Variants in ITK observed in about 807,000 individuals in gnomAD.
ITK encodes IL2 inducible T cell kinase.
Under a neutral mutation model 87.6 loss-of-function variants are expected in ITK, and 45 were observed. The observed-to-expected ratio is 0.51, with a 90% CI of 0.40 to 0.66. The LOEUF (loss-of-function observed/expected upper bound fraction) is 0.66, where lower values mean the gene tolerates loss of function less well. Ranked by LOEUF, ITK falls within the 30% of genes least tolerant of loss-of-function variation. The pLI is 0.00. For synonymous variants in ITK, 303 were observed against 273.6 expected, an observed-to-expected ratio of 1.11 and a Z score of -1.06; for missense variants, 605 against 766.3, an observed-to-expected ratio of 0.79 and a Z score of 2.48.
chr5:157,244,571 C>T lies in ITK; in HGVS notation c.1449+93C>T, dbSNP rs1265960356. The T allele has an allele frequency of 1.1e-5, 9 of 784,430 alleles. No homozygotes were observed. The African/African-American group carries it at 1.2e-4, about 10-fold the overall frequency. The allele number at this position is 784,430 out of a possible 1,614,324, so 48.6% of individuals were successfully genotyped here. On this transcript the variant is annotated intron_variant, in intron 13 of 16. Transcript: ENST00000422843. ...GAACGCATTAATAAATAATACATTA[C>T]AGATAATCTCCTTTCCTTTCTCAAC...
chr5:157,191,523 A>T (rs1478507143), intron 1 of ITK, among the ~76,000 whole-genome samples: 1 of 152,226 alleles, frequency 6.6e-6, no homozygotes, highest in African/African-American at 2.4e-5. Context: ...TGAAGACATC[A>T]ATTTACTATC....
intron 1 of ITK, among the ~76,000 whole-genome samples, chr5:157,184,963 G>T (rs116287333): frequency 6.6e-6 from 1 of 152,142 alleles, no homozygotes; most frequent in African/African-American, 2.4e-5. Context: ...ATTCCAGTAA[G>T]CATCTGGGTG....
At chr5:157,184,829 G>A (rs563530974) in intron 1 of ITK, among the ~76,000 whole-genome samples, 24 of 152,218 alleles carry the variant, frequency 1.6e-4, no homozygotes, top group African/African-American at 5.8e-4. Context: ...AGCCCCTCTG[G>A]AGAACTGGAA....
intron 16 of ITK, among the ~76,000 whole-genome samples, chr5:157,250,156 T>A (rs1243983208): frequency 6.6e-6 from 1 of 152,240 alleles, no homozygotes; most frequent in African/African-American, 2.4e-5. Flanking sequence ...CATGTATCCA[T>A]CATTATAGTA....
chr5:157,211,865 G>A (rs1356048205), intron 3 of ITK, among the ~76,000 whole-genome samples: 1 of 152,226 alleles, frequency 6.6e-6, no homozygotes, highest in African/African-American at 2.4e-5. Flanking sequence ...AGGAAGAAAA[G>A]GAAGGGATAA....
chr5:157,219,073 G>A (rs1413712838), intron 5 of ITK, among the ~76,000 whole-genome samples: 1 of 149,718 alleles, frequency 6.7e-6, no homozygotes, highest in Non-Finnish European at 1.5e-5. Context: ...ATATGACCCT[G>A]ACCTTATGAT....
intron 15 of ITK, among the ~76,000 whole-genome samples, chr5:157,246,962 T>G (rs1159228858): frequency 1.3e-5 from 2 of 152,248 alleles, no homozygotes; most frequent in African/African-American, 4.8e-5. Context: ...GGATTTGCCA[T>G]GTCACCTGAA....
chr5:157,241,707 A>C lies in ITK; in HGVS notation c.1047A>C (p.Ala349=). The change falls in exon 11 of 17, where the codon GCA becomes GCC. Residue 349 remains alanine, a synonymous_variant. Coordinates refer to ENST00000422843, the MANE Select transcript of ITK (RefSeq NM_005546.4). ...GGAGGCAGAAAGCCCCAGTTACAGC[A>C]GGGCTGAGATACGGTGAGCAGTACA... ...CFGRQKAPVT[A]GLRYGKWVID... 1.9e-6 allele frequency: 3 copies of C among 1,613,038 alleles called. No individual in the cohort carries two copies.
intron 4 of ITK, among the ~76,000 whole-genome samples, chr5:157,217,266 G>C (rs913098207): frequency 1.3e-5 from 2 of 152,192 alleles, no homozygotes; most frequent in Admixed American, 6.5e-5. Flanking sequence ...AACAGACGGA[G>C]ACATGGAAAC....
At chr5:157,237,596 T>C (rs1754802633) in intron 8 of ITK, among the ~76,000 whole-genome samples, 1 of 152,188 alleles carries the variant, frequency 6.6e-6, no homozygotes. Flanking sequence ...TTTTGTGCCT[T>C]TGTAGGGAAA....
intron 12 of ITK, 150 bp from the exon 13 acceptor site, chr5:157,244,112 A>G (rs1373173901): frequency 1.7e-5 from 13 of 761,146 alleles, no homozygotes; most frequent in Non-Finnish European, 2.7e-5. Context: ...CTCCAATGAC[A>G]TGTTTTTGTT....
At chr5:157,232,984 A>T (rs1276370134) in intron 8 of ITK, among the ~76,000 whole-genome samples, 1 of 152,212 alleles carries the variant, frequency 6.6e-6, no homozygotes, top group East Asian at 1.9e-4. Context: ...TTTCATCAAC[A>T]GTTATCCTCT....
intron 1 of ITK, among the ~76,000 whole-genome samples, chr5:157,188,251 C>T (rs1435979911): frequency 6.6e-6 from 1 of 152,184 alleles, no homozygotes; most frequent in Non-Finnish European, 1.5e-5. Context: ...GTTATCCACA[C>T]AACACCTAGA....
intron 6 of ITK, among the ~76,000 whole-genome samples, chr5:157,226,392 G>T (rs35608043): frequency 6.6e-6 from 1 of 152,208 alleles, no homozygotes; most frequent in Non-Finnish European, 1.5e-5. Context: ...ATTATTTGAT[G>T]CATTAATATA....
chr5:157,196,408 C>T (rs1440485936), intron 1 of ITK, among the ~76,000 whole-genome samples: 1 of 152,134 alleles, frequency 6.6e-6, no homozygotes, highest in Admixed American at 6.6e-5. Context: ...ATTTGCATTT[C>T]TGTTGTTATA....
chr5:157,187,299 A>G (rs1244025486), intron 1 of ITK, among the ~76,000 whole-genome samples: 1 of 152,236 alleles, frequency 6.6e-6, no homozygotes, highest in Non-Finnish European at 1.5e-5. Context: ...CAGGCACCCA[A>G]GTTGATAAAG....
At chr5:157,241,068 GC>G (rs952707000) in intron 10 of ITK, 1 of 153,250 alleles carries the variant, frequency 6.5e-6, no homozygotes, top group African/African-American at 2.4e-5. Flanking sequence ...CTCCTGATTA[GC>G]TGGGATTACA....
At position 157,236,675 on chromosome 5, in the gene ITK, G is replaced by A. The variant is rs143306064; in HGVS notation, c.769-1434G>A. Among the ~76,000 whole-genome samples the A allele has an allele frequency of 7.0e-4, 107 of 152,324 alleles. 3 individuals are homozygous for A. The East Asian group carries it at 0.017, about 24-fold the overall frequency. On this transcript the variant is annotated intron_variant, in intron 8 of 16. Transcript: ENST00000422843. ...GTTACCAGTGCAAGTTTACAGCGGG[G>A]TAGGAACAGAGTGTTAGATAGGAAG...
intron 1 of ITK, among the ~76,000 whole-genome samples, chr5:157,205,521 C>A (rs78591107): frequency 0.013 from 1,948 of 152,226 alleles, 33 homozygotes; most frequent in African/African-American, 0.043. Context: ...ATTTGAGAAA[C>A]ATATGAAGAC....
Sources: allele counts gnomAD v4.1 joint callset (sites outside exome capture counted in the v4.1 genomes callset), GRCh38; gene constraint gnomAD v4.1.1; transcripts MANE v1.5; gene names NCBI Gene and HGNC (gene_info 2026-07-23, HGNC 2026-07-21).